PCDHA2: variants seen among roughly 807,000 people sequenced by gnomAD.
The protein encoded by PCDHA2 is protocadherin alpha 2.
Under a neutral mutation model 66.0 loss-of-function variants are expected in PCDHA2, and 58 were observed. The observed-to-expected ratio is 0.88, with a 90% CI of 0.71 to 1.09. The LOEUF (loss-of-function observed/expected upper bound fraction) is 1.09. PCDHA2 is among the 50% of genes least tolerant of loss of function. The pLI is 0.00. For synonymous variants in PCDHA2, 634 were observed against 554.0 expected (o/e 1.14, Z -2.03); for missense variants, 1,267 against 1,242.3 (o/e 1.02, Z -0.30).
chr5:140,876,970 G>C, intron 1 of PCDHA2: 1 of 1,612,850 alleles, frequency 6.2e-7, no homozygotes. Context: ...GCGGCGGGTG[G>C]GCGAGCACGC....
chr5:140,962,595 A>G (rs1307695991), intron 1 of PCDHA2, among the ~76,000 whole-genome samples: 1 of 152,192 alleles, frequency 6.6e-6, no homozygotes, highest in Non-Finnish European at 1.5e-5. Flanking sequence ...TTTGACTGAT[A>G]TATTTCTTCT....
chr5:140,827,695 T>C (rs1168812180), intron 1 of PCDHA2, among the ~76,000 whole-genome samples: 1 of 152,252 alleles, frequency 6.6e-6, no homozygotes, highest in Non-Finnish European at 1.5e-5. Context: ...CTGGTTGATA[T>C]TAATGTTGCA....
At chr5:140,797,757 G>C (rs1762260264) in intron 1 of PCDHA2, among the ~76,000 whole-genome samples, 1 of 152,194 alleles carries the variant, frequency 6.6e-6, no homozygotes, top group Non-Finnish European at 1.5e-5. Context: ...CTGTCGGATA[G>C]TGTTTGGAAT....
At chr5:140,836,193 A>T (rs1774273849) in intron 1 of PCDHA2, 10 of 1,613,716 alleles carry the variant, frequency 6.2e-6, no homozygotes, top group Non-Finnish European at 8.5e-6. Context: ...CTCAGGCTAC[A>T]ACGCGTGGCT....
chr5:140,797,636 T>C (rs1762249824), intron 1 of PCDHA2, among the ~76,000 whole-genome samples: 1 of 152,244 alleles, frequency 6.6e-6, no homozygotes, highest in Non-Finnish European at 1.5e-5. Context: ...ATTTGTAAAT[T>C]AAACATTTCC....
At chr5:140,821,634 G>A (rs2150109969) in intron 1 of PCDHA2, 20,472 of 1,004,422 alleles carry the variant, frequency 0.02, 283 homozygotes, top group Non-Finnish European at 0.025. Context: ...AGACAGAAAG[G>A]AAAAGAACCT....
At chr5:140,805,368 C>T (rs1487690921) in intron 1 of PCDHA2, 6 of 1,156,662 alleles carry the variant, frequency 5.2e-6, no homozygotes, top group East Asian at 1.0e-4. Context: ...TGGGTCCCCA[C>T]ATAGTGAAAG....
intron 3 of PCDHA2, among the ~76,000 whole-genome samples, chr5:140,998,571 T>G (rs2097822082): frequency 1.0e-5 from 1 of 96,286 alleles, no homozygotes; most frequent in African/African-American, 3.7e-5. Flanking sequence ...GTAAATAAGT[T>G]TTTTTTTTTT....
chr5:140,807,534 T>C (rs782811341), intron 1 of PCDHA2: 112 of 1,614,006 alleles, frequency 6.9e-5, no homozygotes, highest in Middle Eastern at 6.6e-4. Flanking sequence ...CCGCTGCAGG[T>C]TTTCCATGTG....
At position 140,939,517 on chromosome 5, in the gene PCDHA2, G is replaced by GACATTGTAGAATTATAGAATTCTACATAA. The variant is rs559604027; in HGVS notation, c.2389-39432_2389-39431insACATTGTAGAATTATAGAATTCTACATAA. 5.4e-3 allele frequency among the ~76,000 whole-genome samples: 825 copies of GACATTGTAGAATTATAGAATTCTACATAA among 152,166 alleles called. 3 individuals carry two copies. Among genetic ancestry groups the GACATTGTAGAATTATAGAATTCTACATAA allele is most frequent in the African/African-American group, 0.019 (794 of 41,518 alleles). On this transcript the variant is annotated intron_variant, in intron 1 of 3. Coordinates refer to ENST00000526136, the MANE Select transcript of PCDHA2 (RefSeq NM_018905.3). Reference sequence around the variant, plus strand: ...AAATTCAATGTCTATAACATTAATAGTTATAGAATTATACAGAGCCTCTAT... The same window carrying GACATTGTAGAATTATAGAATTCTACATAA: ...AAATTCAATGTCTATAACATTAATAGACATTGTAGAATTATAGAATTCTACATAATTATAGAATTATACAGAGCCTCTAT...
intron 1 of PCDHA2, chr5:140,828,496 A>G: frequency 1.9e-6 from 3 of 1,614,252 alleles, no homozygotes; most frequent in Non-Finnish European, 2.5e-6. Flanking sequence ...TGTTCCCGGT[A>G]GAGGAACAAA....
chr5:140,964,000 T>C (rs900134447), intron 1 of PCDHA2, among the ~76,000 whole-genome samples: 2 of 152,218 alleles, frequency 1.3e-5, no homozygotes, highest in African/African-American at 2.4e-5. Flanking sequence ...TACTGTGTTC[T>C]ACTTTTTAAT....
intron 1 of PCDHA2, chr5:140,865,596 A>G (rs1309543842): frequency 2.6e-5 from 4 of 152,224 alleles, no homozygotes; most frequent in Admixed American, 2.0e-4. Context: ...CCATTGTTTG[A>G]GCAGTTTATT....
intron 1 of PCDHA2, among the ~76,000 whole-genome samples, chr5:140,872,716 A>G (rs1309493361): frequency 6.6e-6 from 1 of 152,266 alleles, no homozygotes; most frequent in Non-Finnish European, 1.5e-5. Context: ...AACTAGGTAA[A>G]TAAAATTATT....
chr5:140,814,885 G>A (rs1765613574), intron 1 of PCDHA2: 1 of 152,188 alleles, frequency 6.6e-6, no homozygotes. Context: ...GGGTGCATAT[G>A]TATTTATAAT....
chr5:140,999,011 A>G (rs2097843002), intron 3 of PCDHA2, among the ~76,000 whole-genome samples: 1 of 152,246 alleles, frequency 6.6e-6, no homozygotes, highest in Non-Finnish European at 1.5e-5. Flanking sequence ...CTGAGATTTG[A>G]ACCCAAGACT....
intron 1 of PCDHA2, among the ~76,000 whole-genome samples, chr5:140,970,781 G>A (rs2096433448): frequency 6.6e-6 from 1 of 152,042 alleles, no homozygotes; most frequent in Admixed American, 6.6e-5. Context: ...CATACATATT[G>A]TATGTAATAT....
intron 1 of PCDHA2, chr5:140,807,237 T>C (rs781879266): frequency 3.1e-6 from 5 of 1,614,076 alleles, no homozygotes; most frequent in Non-Finnish European, 4.2e-6. Flanking sequence ...CTGCTGCTCT[T>C]ACTTCTTCTC....
At chr5:140,845,758 T>A (rs1780017819) in intron 1 of PCDHA2, among the ~76,000 whole-genome samples, 1 of 149,708 alleles carries the variant, frequency 6.7e-6, no homozygotes, top group African/African-American at 2.4e-5. Flanking sequence ...TTGTATCAAG[T>A]AAGTTAATAG....
Sources: gnomAD v4.1 joint callset for allele counts (sites outside exome capture counted in the v4.1 genomes callset) on GRCh38, gnomAD v4.1.1 for gene constraint, MANE v1.5 for transcripts, NCBI Gene and HGNC (gene_info 2026-07-23, HGNC 2026-07-21) for gene names.